The following PLCB4 variants were observed in gnomAD, a reference collection of about 807,000 sequenced individuals.
PLCB4 encodes 1-phosphatidylinositol 4,5-bisphosphate phosphodiesterase beta-4.
Under a neutral mutation model 178.8 loss-of-function variants are expected in PLCB4, and 77 were observed. That is an observed-to-expected ratio of 0.43 (90% confidence interval 0.36 to 0.52). The LOEUF (loss-of-function observed/expected upper bound fraction) is 0.52. Among genes scored for constraint, PLCB4 ranks in the 20% least tolerant of loss-of-function variants. The pLI, the probability that PLCB4 is intolerant of heterozygous loss-of-function variation, is 0.00. For synonymous variants in PLCB4, 496 were observed against 490.8 expected, an observed-to-expected ratio of 1.01 and a Z score of -0.14; for missense variants, 1,024 against 1,453.4, an observed-to-expected ratio of 0.70 and a Z score of 4.80.
At chr20:9,363,770 G>C (rs968945742) in intron 8 of PLCB4, among the ~76,000 whole-genome samples, 1 of 152,212 alleles carries the variant, frequency 6.6e-6, no homozygotes, top group Non-Finnish European at 1.5e-5. Context: ...GAGGTGCCAA[G>C]GGGAACCATG....
chr20:9,161,923 A>C (rs1276878772), intron 2 of PLCB4, among the ~76,000 whole-genome samples: 2 of 152,258 alleles, frequency 1.3e-5, no homozygotes, highest in Non-Finnish European at 2.9e-5. Flanking sequence ...TACTATTGGC[A>C]GAATACATTA....
intron 3 of PLCB4, among the ~76,000 whole-genome samples, chr20:9,243,834 T>C (rs144706479): frequency 1.1e-3 from 162 of 152,300 alleles, no homozygotes; most frequent in African/African-American, 3.7e-3. Context: ...AAAATGGGAA[T>C]TATTGTGAAC....
At chr20:9,284,795 G>A (rs762468130) in intron 3 of PLCB4, among the ~76,000 whole-genome samples, 3 of 151,686 alleles carry the variant, frequency 2.0e-5, no homozygotes, top group Non-Finnish European at 2.9e-5. Flanking sequence ...AGATATAATC[G>A]TTTAAAAAAA....
At chr20:9,083,519 T>C (rs920518300) in intron 1 of PLCB4, among the ~76,000 whole-genome samples, 10 of 152,186 alleles carry the variant, frequency 6.6e-5, no homozygotes, top group African/African-American at 2.4e-4. Flanking sequence ...CCAGGATTCT[T>C]TAACACCGGG....
At chr20:9,072,531 C>T (rs2089624550) in intron 1 of PLCB4, among the ~76,000 whole-genome samples, 1 of 152,038 alleles carries the variant, frequency 6.6e-6, no homozygotes, top group Admixed American at 6.6e-5. Flanking sequence ...TTATGCATTA[C>T]TGAGTGGATG....
chr20:9,075,807 TA>T (rs1427181148), intron 1 of PLCB4, among the ~76,000 whole-genome samples: 1 of 152,240 alleles, frequency 6.6e-6, no homozygotes, highest in Non-Finnish European at 1.5e-5. Flanking sequence ...CTTCTCATTT[TA>T]AAATGTTTGG....
At chr20:9,417,853 T>C (rs2148549902) in intron 25 of PLCB4, among the ~76,000 whole-genome samples, 1 of 152,296 alleles carries the variant, frequency 6.6e-6, no homozygotes, top group East Asian at 1.9e-4. Flanking sequence ...TCCACATCCT[T>C]GTCAACACTT....
chr20:9,445,125 G>A (rs540915461), intron 32 of PLCB4, among the ~76,000 whole-genome samples: 76 of 152,266 alleles, frequency 5.0e-4, no homozygotes, highest in African/African-American at 1.8e-3. Context: ...TTCTCCTGTG[G>A]GTTGAAAAAC....
chr20:9,319,950 T>A (rs1174677888), intron 4 of PLCB4, among the ~76,000 whole-genome samples: 3 of 152,174 alleles, frequency 2.0e-5, no homozygotes, highest in Admixed American at 1.3e-4. Context: ...GTGCTGGACC[T>A]TGCACTTGAC....
At chr20:9,414,331 C>T (rs980863032) in intron 25 of PLCB4, among the ~76,000 whole-genome samples, 1 of 152,182 alleles carries the variant, frequency 6.6e-6, no homozygotes, top group Non-Finnish European at 1.5e-5. Flanking sequence ...AAGAAATTGC[C>T]GTCACCTGCA....
chr20:9,435,676 G>T (rs373212122), intron 29 of PLCB4, 28 bp downstream of exon 29: 1 of 1,306,202 alleles, frequency 7.7e-7, no homozygotes, highest in African/African-American at 1.5e-5. Flanking sequence ...ATTAAAGGTG[G>T]CCAAGTTGTG....
In PLCB4 at chr20:9,433,327, G is replaced by A. The variant is rs2041557276; in HGVS notation, c.2525-2233G>A. ...TTGCTTTAGACTAAAATTGACTTAA[G>A]AGACATAATTATCAGAGACATAGTG... On this transcript the variant is annotated intron_variant, in intron 28 of 39. Coordinates refer to ENST00000378473, the MANE Select transcript of PLCB4 (RefSeq NM_001377142.1). Among the ~76,000 whole-genome samples, 3 of 152,194 alleles carry A rather than the reference G, an allele frequency of 2.0e-5. No homozygotes were observed. The South Asian group carries it at 6.2e-4, about 32-fold the overall frequency.
At chr20:9,413,557 G>A (rs2040018748) in intron 25 of PLCB4, among the ~76,000 whole-genome samples, 1 of 151,668 alleles carries the variant, frequency 6.6e-6, no homozygotes, top group East Asian at 1.9e-4. Context: ...TACTTGGGAG[G>A]CTGAGGCAGG....
chr20:9,455,307 C>T (rs185761303), intron 33 of PLCB4, among the ~76,000 whole-genome samples: 8 of 152,144 alleles, frequency 5.3e-5, no homozygotes, highest in African/African-American at 1.9e-4. Flanking sequence ...TTTGGCTTAA[C>T]CAAACCAAAA....
intron 3 of PLCB4, among the ~76,000 whole-genome samples, chr20:9,228,633 A>G (rs539194407): frequency 3.2e-4 from 49 of 152,308 alleles, no homozygotes; most frequent in African/African-American, 1.1e-3. Flanking sequence ...GACCCTCATC[A>G]AAATACAATT....
intron 7 of PLCB4, among the ~76,000 whole-genome samples, chr20:9,360,853 T>C (rs1394927339): frequency 6.6e-6 from 1 of 152,146 alleles, no homozygotes; most frequent in African/African-American, 2.4e-5. Context: ...CAAAAGAAAA[T>C]TTACCTCTTA....
At chr20:9,312,525 G>A (rs1385657109) in intron 4 of PLCB4, among the ~76,000 whole-genome samples, 1 of 152,036 alleles carries the variant, frequency 6.6e-6, no homozygotes, top group African/African-American at 2.4e-5. Context: ...GGCTGACTTT[G>A]GCCTCTTTCC....
At chr20:9,384,961 G>C (rs905156101) in intron 14 of PLCB4, among the ~76,000 whole-genome samples, 2 of 152,094 alleles carry the variant, frequency 1.3e-5, no homozygotes, top group African/African-American at 4.8e-5. Flanking sequence ...TGCCGCCTTC[G>C]GCAGTGTTTG....
intron 3 of PLCB4, among the ~76,000 whole-genome samples, chr20:9,247,787 T>A (rs1009355326): frequency 6.6e-6 from 1 of 152,184 alleles, no homozygotes; most frequent in Admixed American, 6.5e-5. Context: ...AGGCACCTGG[T>A]GATCTGATTT....
Sources: allele counts gnomAD v4.1 joint callset (sites outside exome capture counted in the v4.1 genomes callset), GRCh38; gene constraint gnomAD v4.1.1; transcripts MANE v1.5; gene names NCBI Gene and HGNC (gene_info 2026-07-23, HGNC 2026-07-21).